Variants in GPC6 observed in about 807,000 individuals in gnomAD.
The protein encoded by GPC6 is glypican 6.
In GPC6, 14 loss-of-function variants were observed where a neutral mutation model predicts 55.2. The ratio of observed to expected loss-of-function variants is 0.25; its 90% confidence interval spans 0.17 to 0.40. GPC6 has a LOEUF of 0.40. Ranked by LOEUF, GPC6 falls within the 10% of genes least tolerant of loss-of-function variation. The pLI, the probability that GPC6 is intolerant of heterozygous loss-of-function variation, is 1.00. For missense variants in GPC6, 641 were observed against 708.5 expected, an observed-to-expected ratio of 0.90 and a Z score of 1.08; for synonymous variants, 278 against 259.6, an observed-to-expected ratio of 1.07 and a Z score of -0.68.
chr13:94,223,438 A>C (rs893655360), intron 4 of GPC6, among the ~76,000 whole-genome samples: 1 of 152,178 alleles, frequency 6.6e-6, no homozygotes, highest in African/African-American at 2.4e-5. Context: ...TGCTCATTTT[A>C]CAGGACATAA....
At chr13:93,671,199 G>A (rs945067869) in intron 2 of GPC6, among the ~76,000 whole-genome samples, 1 of 152,002 alleles carries the variant, frequency 6.6e-6, no homozygotes, top group Non-Finnish European at 1.5e-5. Context: ...AACACAAATG[G>A]TGCCTTTTCT....
chr13:93,217,010 A>G, the GPC6 span, among the ~76,000 whole-genome samples: 1 of 152,202 alleles, frequency 6.6e-6, no homozygotes, highest in Non-Finnish European at 1.5e-5. Flanking sequence ...TAATCCTTTA[A>G]GTAAATTTGA....
intron 1 of GPC6, among the ~76,000 whole-genome samples, chr13:93,429,235 C>T (rs1877263659): frequency 6.6e-6 from 1 of 152,010 alleles, no homozygotes; most frequent in Non-Finnish European, 1.5e-5. Flanking sequence ...TACATATTCT[C>T]TAAACTTTCT....
intron 7 of GPC6, among the ~76,000 whole-genome samples, chr13:94,388,402 A>G (rs1189560220): frequency 6.6e-6 from 1 of 152,200 alleles, no homozygotes; most frequent in East Asian, 1.9e-4. Context: ...ACAAGGTTGA[A>G]GTCTTCTCAA....
At chr13:93,713,789 G>A (rs1200963352) in intron 2 of GPC6, among the ~76,000 whole-genome samples, 1 of 151,600 alleles carries the variant, frequency 6.6e-6, no homozygotes, top group Non-Finnish European at 1.5e-5. Flanking sequence ...TTTTATATCA[G>A]CAACACTTAT....
chr13:93,431,627 A>G (rs1877362239), intron 1 of GPC6, among the ~76,000 whole-genome samples: 2 of 152,102 alleles, frequency 1.3e-5, no homozygotes, highest in African/African-American at 4.8e-5. Context: ...ACACATCCTT[A>G]AAGTCTTAAA....
intron 2 of GPC6, among the ~76,000 whole-genome samples, chr13:93,808,530 A>C (rs569718821): frequency 6.6e-6 from 1 of 152,340 alleles, no homozygotes; most frequent in African/African-American, 2.4e-5. Flanking sequence ...AGTTTCCTTT[A>C]ATGTGAGCTG....
At chr13:94,353,551 G>T (rs1214071861) in intron 6 of GPC6, among the ~76,000 whole-genome samples, 2 of 152,020 alleles carry the variant, frequency 1.3e-5, no homozygotes, top group African/African-American at 4.8e-5. Context: ...TGAGAAAAAA[G>T]AGTGAAAGTC....
At chr13:94,242,630 C>A (rs914215687) in intron 4 of GPC6, among the ~76,000 whole-genome samples, 3 of 152,032 alleles carry the variant, frequency 2.0e-5, no homozygotes, top group African/African-American at 2.4e-5. Context: ...CTAAAGCTGG[C>A]TCCTGTGTTT....
At chr13:94,145,133 ATGGG>A (rs1263417896) in intron 4 of GPC6, among the ~76,000 whole-genome samples, 160 of 97,436 alleles carry the variant, frequency 1.6e-3, no homozygotes, top group Non-Finnish European at 2.6e-3. Flanking sequence ...GACTGGATGG[ATGGG>A]TGGATGGATG....
intron 3 of GPC6, among the ~76,000 whole-genome samples, chr13:93,920,736 A>G (rs1594588941): frequency 6.6e-6 from 1 of 151,870 alleles, no homozygotes; most frequent in Non-Finnish European, 1.5e-5. Flanking sequence ...CTATTCCCTC[A>G]CTAGTCCCCC....
intron 3 of GPC6, among the ~76,000 whole-genome samples, chr13:93,894,757 C>G (rs753289455): frequency 9.2e-5 from 14 of 151,924 alleles, no homozygotes; most frequent in Non-Finnish European, 4.4e-5. Flanking sequence ...AGGAAAATGG[C>G]CATCAAAGGT....
chr13:93,812,995 T>C (rs1016124200), intron 2 of GPC6, among the ~76,000 whole-genome samples: 3 of 152,198 alleles, frequency 2.0e-5, no homozygotes, highest in Non-Finnish European at 2.9e-5. Flanking sequence ...ATGTAAATAA[T>C]CGTATTCAGA....
At chr13:93,553,557 C>CG (rs1387842924) in intron 2 of GPC6, among the ~76,000 whole-genome samples, 1 of 151,396 alleles carries the variant, frequency 6.6e-6, no homozygotes, top group East Asian at 2.0e-4. Flanking sequence ...TAGCTGGGCA[C>CG]GGGGGCATGC....
At chr13:93,955,744 G>A (rs548407610) in intron 3 of GPC6, among the ~76,000 whole-genome samples, 17 of 152,146 alleles carry the variant, frequency 1.1e-4, no homozygotes, top group African/African-American at 3.6e-4. Flanking sequence ...ATATTATTTC[G>A]GGTAGGGTAA....
intron 1 of GPC6, among the ~76,000 whole-genome samples, chr13:93,344,758 A>G (rs1362205102): frequency 6.6e-6 from 1 of 152,204 alleles, no homozygotes; most frequent in South Asian, 2.1e-4. Context: ...TTTGAGATGA[A>G]TGAGTCGAGT....
intron 6 of GPC6, among the ~76,000 whole-genome samples, chr13:94,348,311 G>A (rs978419774): frequency 1.3e-5 from 2 of 152,180 alleles, no homozygotes; most frequent in African/African-American, 4.8e-5. Flanking sequence ...AACATACTTT[G>A]TGACACAAGT....
At chr13:94,249,150 C>G (rs1891279508) in intron 4 of GPC6, among the ~76,000 whole-genome samples, 1 of 152,126 alleles carries the variant, frequency 6.6e-6, no homozygotes, top group African/African-American at 2.4e-5. Flanking sequence ...GTAGTCTCAG[C>G]AACTGTATCC....
At chr13:93,529,850 T>C (rs749261924) in intron 1 of GPC6, among the ~76,000 whole-genome samples, 2 of 152,152 alleles carry the variant, frequency 1.3e-5, no homozygotes. Context: ...TCTCTGCTTA[T>C]TCTTCTGCAG....
Sources: allele counts gnomAD v4.1 joint callset (sites outside exome capture counted in the v4.1 genomes callset), GRCh38; gene constraint gnomAD v4.1.1; transcripts MANE v1.5; gene names NCBI Gene and HGNC (gene_info 2026-07-23, HGNC 2026-07-21).